ATF5: variants seen among roughly 807,000 people sequenced by gnomAD.
ATF5 encodes the protein activating transcription factor 5.
ATF5 carries 6 observed loss-of-function variants against 4.6 expected under a neutral mutation model. The observed-to-expected ratio is 1.31, with a 90% CI of 0.72 to 2.59. The LOEUF is 2.59. Ranked by LOEUF, ATF5 falls within the 30% of genes most tolerant of loss-of-function variation. The pLI is 0.00. For missense variants in ATF5, 410 were observed against 368.7 expected (o/e 1.11, Z -0.92); for synonymous variants, 193 against 165.0 (o/e 1.17, Z -1.30).
Position 49,933,925 on chromosome 19 carries a change from A to G in ATF5, c.*833A>G, listed in dbSNP as rs1337229755. The stretch of plus-strand genomic sequence containing the variant: ...GTTATGAGCAAAAATAAAACGAAAC[A>G]TTTCCTCTGGCTTGTGCATCTTGTC... On this transcript the variant is annotated 3_prime_UTR_variant, in exon 3 of 3. Transcript: ENST00000423777. 6.6e-6 allele frequency: 1 copy of G among 152,502 alleles called. No individual in the cohort carries two copies. The highest frequency in any genetic ancestry group is 1.5e-5 in the Non-Finnish European group (1 of 68,020). The allele number at this position is 152,502 out of a possible 1,614,324, so 9.4% of individuals were successfully genotyped here.
rs555879669 is a variant in ATF5, at chr19:49,933,353, C to G, written c.*261C>G. 4.9e-6 allele frequency: 2 copies of G among 406,194 alleles called. No individual in the cohort carries two copies. Among genetic ancestry groups the G allele is most frequent in the Admixed American group, 4.0e-5 (1 of 25,078 alleles). The allele number at this position is 406,194 out of a possible 1,614,324, so 25.2% of individuals were successfully genotyped here. A position where few individuals can be genotyped will look rare whatever the true frequency, so the allele number is the denominator to read the frequency against. On this transcript the variant is annotated 3_prime_UTR_variant, in exon 3 of 3. Coordinates refer to ENST00000423777, the MANE Select transcript of ATF5 (RefSeq NM_001193646.2). ...CCAAACCACCCAACTCCTCTCTACT[C>G]TTATCCTTTTATCCTCTGTCTCTGC...
Position 49,932,604 on chromosome 19 carries a change from C to CCCCA in ATF5, c.364_365insACCC (p.Leu122HisfsTer29). On this transcript the variant is annotated frameshift_variant, in exon 3 of 3. Transcript: ENST00000423777. LOFTEE classifies it low-confidence loss of function (END_TRUNC). Reference sequence around the variant, plus strand: ...GGAAGACTTCTTCCTAGATGCCCCGCCCCTCCCACCACCCTCCCCGCCGCC... The same window carrying CCCCA: ...GGAAGACTTCTTCCTAGATGCCCCGCCCCACCCTCCCACCACCCTCCCCGCCGCC... 1.3e-6 allele frequency: 2 copies of CCCCA among 1,563,110 alleles called. No homozygotes were observed. Among genetic ancestry groups the CCCCA allele is most frequent in the Non-Finnish European group, 1.7e-6 (2 of 1,154,580 alleles).
In ATF5 at chr19:49,930,821, C is replaced by G. The variant is rs779119571; in HGVS notation, c.-30C>G. 5 of 1,524,168 alleles carry G rather than the reference C, an allele frequency of 3.3e-6. No homozygotes were observed. In the South Asian group the frequency reaches 5.1e-5, roughly 15 times the overall value. 94.4% of individuals were successfully genotyped at this position (1,524,168 alleles called of 1,614,324 possible). On this transcript the variant is annotated 5_prime_UTR_variant, in exon 2 of 3. Coordinates refer to ENST00000423777, the MANE Select transcript of ATF5 (RefSeq NM_001193646.2). ...GCTGCTGGTGCAGCCTCTCCTGTTGCCATCAGTGCCCAGCACCTGTGCTAC... is the reference window on the plus strand; with the variant it reads ...GCTGCTGGTGCAGCCTCTCCTGTTGGCATCAGTGCCCAGCACCTGTGCTAC...
intron 2 of ATF5, among the ~76,000 whole-genome samples, chr19:49,931,480 T>C (rs1012994201): frequency 5.9e-5 from 9 of 151,740 alleles, no homozygotes; most frequent in Admixed American, 4.6e-4. Context: ...AGACCTCATA[T>C]CTATAGGAAA....
Position 49,930,873 on chromosome 19 carries a change from G to A in ATF5, c.23G>A (p.Gly8Glu), listed in dbSNP as rs1302076405. Residue 8 changes from glycine (G) to glutamate (E), a missense_variant, in exon 2 of 3, where the codon GGG becomes GAG. By Grantham distance (98) the Gly-to-Glu change is moderately conservative. Transcript: ENST00000423777. Reference sequence around the variant, plus strand: ...GCCATGTCACTCCTGGCGACCCTGGGGCTGGAGCTGGACAGGGCCCTGCTC... The same window carrying A: ...GCCATGTCACTCCTGGCGACCCTGGAGCTGGAGCTGGACAGGGCCCTGCTC... MSLLATL[G>E]LELDRALLPA... 6.3e-7 allele frequency: 1 copy of A among 1,599,840 alleles called. No individual in the cohort carries two copies. The highest frequency in any genetic ancestry group is 2.3e-5 in the East Asian group (1 of 44,222).
rs1456679505 is a variant in ATF5 at position 49,932,576 on chromosome 19, G to A, written c.333G>A (p.Gln111=). Residue 111 remains glutamine, a synonymous_variant, in exon 3 of 3, where the codon CAG becomes CAA. Transcript: ENST00000423777. ...MASLLKKELE[Q]MEDFFLDAPP... is the part of the protein sequence containing the mutation. ...CCCTCCTCAAGAAGGAGCTGGAACA[G>A]ATGGAAGACTTCTTCCTAGATGCCC... 5 of 1,498,602 alleles carry A rather than the reference G, an allele frequency of 3.3e-6. No homozygotes were observed. Among genetic ancestry groups the A allele is most frequent in the Non-Finnish European group, 4.5e-6 (5 of 1,116,816 alleles). 92.8% of individuals were successfully genotyped at this position (1,498,602 alleles called of 1,614,324 possible).
In ATF5 at chr19:49,930,821, C is replaced by T. The variant is rs779119571; in HGVS notation, c.-30C>T. 2.6e-6 allele frequency: 4 copies of T among 1,524,050 alleles called. No homozygotes were observed. Among genetic ancestry groups the T allele is most frequent in the African/African-American group, 2.8e-5 (2 of 72,252 alleles). The allele number at this position is 1,524,050 out of a possible 1,614,324, so 94.4% of individuals were successfully genotyped here. The stretch of plus-strand genomic sequence containing the variant: ...GCTGCTGGTGCAGCCTCTCCTGTTG[C>T]CATCAGTGCCCAGCACCTGTGCTAC... On this transcript the variant is annotated 5_prime_UTR_variant, in exon 2 of 3. Transcript: ENST00000423777.
chr19:49,932,368 C>A (rs186364508), intron 2 of ATF5, 54 bp from the exon 3 acceptor site: 1 of 1,581,452 alleles, frequency 6.3e-7, no homozygotes, highest in East Asian at 2.2e-5. Context: ...CACCCAACTA[C>A]GCAGAAGACC....
chr19:49,931,243 T>A, intron 2 of ATF5: 1 of 421,590 alleles, frequency 2.4e-6, no homozygotes, highest in Non-Finnish European at 4.2e-6. Flanking sequence ...TAAATGAGAG[T>A]GTATTGGAAT....
In ATF5 at chr19:49,929,251, C is replaced by T. The variant is rs2076002408; in HGVS notation, c.-269C>T. The T allele has an allele frequency of 6.5e-6, 1 of 153,616 alleles. No homozygotes were observed. Among genetic ancestry groups the T allele is most frequent in the African/African-American group, 2.4e-5 (1 of 41,434 alleles). The allele number at this position is 153,616 out of a possible 1,614,324, so 9.5% of individuals were successfully genotyped here. A position where few individuals can be genotyped will look rare whatever the true frequency, so the allele number is the denominator to read the frequency against. ...GTCTCTTCTCACTACAGTGTCGCCG[C>T]CTCTGCCTGCGTAGCCCCGGCCATG... On this transcript the variant is annotated 5_prime_UTR_variant, in exon 1 of 3. Coordinates refer to ENST00000423777, the MANE Select transcript of ATF5 (RefSeq NM_001193646.2).
At position 49,932,492 on chromosome 19, in the gene ATF5, A is replaced by AACC; in HGVS notation, c.249_250insACC (p.Leu83_Pro84insThr). 2 of 1,486,498 alleles carry AACC rather than the reference A, an allele frequency of 1.3e-6. No individual in the cohort carries two copies. 92.1% of individuals were successfully genotyped at this position (1,486,498 alleles called of 1,614,324 possible). A position where few individuals can be genotyped will look rare whatever the true frequency, so the allele number is the denominator to read the frequency against. The stretch of plus-strand genomic sequence containing the variant: ...CTCTCCTCCCTCTGGAGCCTCCCTT[A>AACC]CCCCCCGGCACCCTCCCCCAACCTT... On this transcript the variant is annotated inframe_insertion, in exon 3 of 3. Transcript: ENST00000423777.
chr19:49,931,015 A>G lies in ATF5; in HGVS notation c.165A>G (p.Gly55=). The change falls in exon 2 of 3, where the codon GGA becomes GGG. Residue 55 remains glycine, a synonymous_variant. Coordinates refer to ENST00000423777, the MANE Select transcript of ATF5 (RefSeq NM_001193646.2). Reference sequence around the variant, plus strand: ...TGGAGGGCGGGCTTCCAGTGGGGGGAGAGCCCCTGGCAGGTAAGGGCAGGT... The same window carrying G: ...TGGAGGGCGGGCTTCCAGTGGGGGGGGAGCCCCTGGCAGGTAAGGGCAGGT... ...GALEGGLPVG[G]EPLAGDGFSD... The G allele has an allele frequency of 1.3e-6, 2 of 1,547,226 alleles. No homozygotes were observed. The highest frequency in any genetic ancestry group is 1.7e-6 in the Non-Finnish European group (2 of 1,144,646).
chr19:49,933,136 C>G lies in ATF5; in HGVS notation c.*44C>G, dbSNP rs775152136. 16 of 1,509,004 alleles carry G rather than the reference C, an allele frequency of 1.1e-5. No individual in the cohort carries two copies. In the East Asian group the frequency reaches 3.0e-4, roughly 29 times the overall value. The allele number at this position is 1,509,004 out of a possible 1,614,324, so 93.5% of individuals were successfully genotyped here. Reference sequence around the variant, plus strand: ...TCTGGGGGCTGGTCTTCAGCTCTGGCGCCTTCATCCCCCTGCCTCTACCTT... The same window carrying G: ...TCTGGGGGCTGGTCTTCAGCTCTGGGGCCTTCATCCCCCTGCCTCTACCTT... On this transcript the variant is annotated 3_prime_UTR_variant, in exon 3 of 3. Coordinates refer to ENST00000423777, the MANE Select transcript of ATF5 (RefSeq NM_001193646.2).
intron 1 of ATF5, chr19:49,929,773 G>A (rs2076024310): frequency 6.6e-6 from 1 of 152,304 alleles, no homozygotes; most frequent in South Asian, 2.1e-4. Context: ...ATCCCCAAGA[G>A]GGCGGAGGTG....
In ATF5 at chr19:49,932,901, T is replaced by C. The variant is rs1422054522; in HGVS notation, c.658T>C (p.Ser220Pro). 6.2e-7 allele frequency: 1 copy of C among 1,613,498 alleles called. No homozygotes were observed. Among genetic ancestry groups the C allele is most frequent in the South Asian group, 1.1e-5 (1 of 91,028 alleles). Residue 220 changes from serine to proline, a missense_variant, in exon 3 of 3, where the codon TCG becomes CCG. By Grantham distance (74) the Ser-to-Pro change is moderately conservative. Transcript: ENST00000423777. ...GCAAAAGAAGAGAGACCAGAACAAG[T>C]CGGCGGCTCTGAGGTACCGCCAGCG... ...RKQKKRDQNK[S>P]AALRYRQRKR...
At chr19:49,932,386 C>G in intron 2 of ATF5, 36 bp from the exon 3 acceptor site, 12 of 1,611,140 alleles carry the variant, frequency 7.4e-6, no homozygotes, top group Non-Finnish European at 1.0e-5. Flanking sequence ...ACCAGCAACT[C>G]AGGGAATTTT....
chr19:49,929,217 C>G lies in ATF5; in HGVS notation c.-303C>G, dbSNP rs764419529. Reference sequence around the variant, plus strand: ...CCGGGGCCGCCTCATTCCCTGTCCTCGGATCACAGTCTCTTCTCACTACAG... The same window carrying G: ...CCGGGGCCGCCTCATTCCCTGTCCTGGGATCACAGTCTCTTCTCACTACAG... On this transcript the variant is annotated 5_prime_UTR_variant, in exon 1 of 3. Transcript: ENST00000423777. 5 of 152,778 alleles carry G rather than the reference C, an allele frequency of 3.3e-5. No homozygotes were observed. In the East Asian group the frequency reaches 9.6e-4, roughly 29 times the overall value. The allele number at this position is 152,778 out of a possible 1,614,324, so 9.5% of individuals were successfully genotyped here. A position where few individuals can be genotyped will look rare whatever the true frequency, so the allele number is the denominator to read the frequency against.
rs531308133 is a variant in ATF5, at chr19:49,932,743, G to A, written c.500G>A (p.Arg167His). ...CTGGACTTGCTGGCCATCTACTGCC[G>A]CAACGAGGCCGGGCAGGAGGAAGTG... ...DTLDLLAIYC[R>H]NEAGQEEVGM... The change falls in exon 3 of 3, where the codon CGC becomes CAC. Residue 167 changes from arginine to histidine, a missense_variant. Transcript: ENST00000423777. 63 of 1,600,064 alleles carry A rather than the reference G, an allele frequency of 3.9e-5. No individual in the cohort carries two copies. The highest frequency in any genetic ancestry group is 3.3e-4 in the South Asian group (30 of 90,014).
At position 49,932,605 on chromosome 19, in the gene ATF5, C is replaced by CCCGG; in HGVS notation, c.364_365insGGCC (p.Leu122ArgfsTer29). Reference sequence around the variant, plus strand: ...GAAGACTTCTTCCTAGATGCCCCGCCCCTCCCACCACCCTCCCCGCCGCCA... The same window carrying CCCGG: ...GAAGACTTCTTCCTAGATGCCCCGCCCCGGCCTCCCACCACCCTCCCCGCCGCCA... On this transcript the variant is annotated frameshift_variant, in exon 3 of 3. Transcript: ENST00000423777. LOFTEE classifies it low-confidence loss of function (END_TRUNC). The CCCGG allele has an allele frequency of 2.6e-6, 4 of 1,531,224 alleles. No individual in the cohort carries two copies. The highest frequency in any genetic ancestry group is 3.5e-6 in the Non-Finnish European group (4 of 1,140,554). 94.9% of individuals were successfully genotyped at this position (1,531,224 alleles called of 1,614,324 possible).
Sources: allele counts gnomAD v4.1 joint callset (sites outside exome capture counted in the v4.1 genomes callset), GRCh38; gene constraint gnomAD v4.1.1; transcripts MANE v1.5; gene names NCBI Gene and HGNC (gene_info 2026-07-23, HGNC 2026-07-21).